The following DLGAP2 variants were observed in gnomAD, a reference collection of about 807,000 sequenced individuals.
DLGAP2 encodes the protein disks large-associated protein 2.
In DLGAP2, 26 loss-of-function variants were observed where a neutral mutation model predicts 100.3. The ratio of observed to expected loss-of-function variants is 0.26; its 90% CI spans 0.19 to 0.36. DLGAP2 has a LOEUF of 0.36. DLGAP2 is among the 10% of genes least tolerant of loss of function. The probability of loss-of-function intolerance (pLI) is 1.00; values close to 1 mark genes in which losing one functional copy is unlikely to be tolerated. For missense variants in DLGAP2, 1,858 were observed against 1,453.2 expected, an observed-to-expected ratio of 1.28 and a Z score of -4.53; for synonymous variants, 886 against 630.1, an observed-to-expected ratio of 1.41 and a Z score of -6.08.
At chr8:1,601,995 C>T (rs983890759) in intron 6 of DLGAP2, among the ~76,000 whole-genome samples, 2 of 142,466 alleles carry the variant, frequency 1.4e-5, no homozygotes, top group South Asian at 2.2e-4. Context: ...GCCCGTGCTA[C>T]CTTCTTGCTT....
At chr8:1,446,476 G>C (rs1383683807) in intron 3 of DLGAP2, among the ~76,000 whole-genome samples, 3 of 152,170 alleles carry the variant, frequency 2.0e-5, no homozygotes, top group Non-Finnish European at 1.5e-5. Context: ...CCAGTACCAT[G>C]CTGTTTTGGT....
chr8:1,494,044 G>GC (rs33913849), intron 3 of DLGAP2, among the ~76,000 whole-genome samples: 1 of 28,164 alleles, frequency 3.6e-5, no homozygotes, highest in African/African-American at 1.1e-4. Flanking sequence ...TTCTGCATCG[G>GC]GGGGGGCAGT....
intron 3 of DLGAP2, among the ~76,000 whole-genome samples, chr8:1,299,459 G>A (rs1476544940): frequency 1.3e-5 from 2 of 152,194 alleles, no homozygotes; most frequent in Non-Finnish European, 2.9e-5. Context: ...TACTCTTTGT[G>A]ATAATCTTAG....
chr8:961,931 C>CG (rs1799734284), intron 2 of DLGAP2, among the ~76,000 whole-genome samples: 1 of 152,132 alleles, frequency 6.6e-6, no homozygotes, highest in Non-Finnish European at 1.5e-5. Flanking sequence ...CTGGCAAGGC[C>CG]GATCAATATG....
In DLGAP2 at chr8:1,549,407, C is replaced by A; in HGVS notation, c.954C>A (p.His318Gln). Residue 318 changes from histidine to glutamine, a missense_variant, in exon 5 of 15, where the codon CAC becomes CAA. Physicochemically the swap from His to Gln is conservative, Grantham distance 24. Transcript: ENST00000637795. The stretch of plus-strand genomic sequence containing the variant: ...GGACGCCCAGCGTGCTCAACCGGCA[C>A]CACCTGGGCCCCGTGGCCCACTGCT... ...TYRTPSVLNRHHLGPVAHCYP... is the reference protein window; with the variant it reads ...TYRTPSVLNRQHLGPVAHCYP... 6.2e-7 allele frequency: 1 copy of A among 1,613,444 alleles called. No homozygotes were observed. Among genetic ancestry groups the A allele is most frequent in the Non-Finnish European group, 8.5e-7 (1 of 1,179,784 alleles).
intron 2 of DLGAP2, among the ~76,000 whole-genome samples, chr8:1,000,409 A>T (rs943145613): frequency 2.1e-5 from 3 of 142,040 alleles, no homozygotes; most frequent in Admixed American, 1.5e-4. Context: ...TTTCTTTTGC[A>T]CCGGATTTTC....
intron 2 of DLGAP2, among the ~76,000 whole-genome samples, chr8:922,057 G>A (rs191149199): frequency 6.6e-4 from 100 of 152,376 alleles, no homozygotes; most frequent in Middle Eastern, 3.4e-3. Flanking sequence ...GGCAGGTGCC[G>A]TGTGCGCAGT....
rs140807155 is a variant in DLGAP2, at chr8:922,986, A to G, written c.73+15020A>G. On this transcript the variant is annotated intron_variant, in intron 2 of 14. Transcript: ENST00000637795. ...TGGGAATTGCAAGCCCTGGGCTCTG[A>G]TGGATGCTTGTTACCATGGAGTGCA... Among the ~76,000 whole-genome samples, 272 of 152,218 alleles carry G rather than the reference A, an allele frequency of 1.8e-3. 1 individual carries two copies. The highest frequency in any genetic ancestry group is 6.0e-3 in the African/African-American group (250 of 41,496).
chr8:851,604 C>A (rs1052764474), intron 1 of DLGAP2, among the ~76,000 whole-genome samples: 8 of 152,198 alleles, frequency 5.3e-5, no homozygotes, highest in African/African-American at 1.9e-4. Flanking sequence ...GATTTGTGGA[C>A]TAGTCAGTTC....
chr8:1,390,076 C>T (rs893197205), intron 3 of DLGAP2, among the ~76,000 whole-genome samples: 6 of 151,778 alleles, frequency 4.0e-5, no homozygotes, highest in Non-Finnish European at 5.9e-5. Flanking sequence ...ACATTTCATC[C>T]GTTGATGGAG....
At chr8:1,550,562 C>T (rs1466488708) in intron 5 of DLGAP2, among the ~76,000 whole-genome samples, 1 of 152,138 alleles carries the variant, frequency 6.6e-6, no homozygotes, top group African/African-American at 2.4e-5. Flanking sequence ...TGAGTTCACT[C>T]CCTGCACCTG....
At chr8:1,314,554 A>G (rs576996588) in intron 3 of DLGAP2, among the ~76,000 whole-genome samples, 10 of 152,218 alleles carry the variant, frequency 6.6e-5, no homozygotes, top group Non-Finnish European at 1.3e-4. Context: ...TCCAGCCACC[A>G]TCTGACTTTC....
At chr8:1,302,518 C>G (rs931188280) in intron 3 of DLGAP2, 8 of 151,648 alleles carry the variant, frequency 5.3e-5, no homozygotes, top group African/African-American at 1.7e-4. Context: ...TGTGAATTCT[C>G]GAGCTCTGCT....
intron 1 of DLGAP2, among the ~76,000 whole-genome samples, chr8:777,574 T>C (rs1427426157): frequency 6.6e-6 from 1 of 152,108 alleles, no homozygotes; most frequent in Admixed American, 6.6e-5. Context: ...AGCATTTGCT[T>C]GTCTGTAAAG....
chr8:1,507,675 G>A (rs1470513211), intron 4 of DLGAP2, among the ~76,000 whole-genome samples: 3 of 151,960 alleles, frequency 2.0e-5, no homozygotes, highest in Non-Finnish European at 4.4e-5. Context: ...CAGAAGCAGT[G>A]ATGTGCTGAG....
chr8:927,821 T>C (rs966306697), intron 2 of DLGAP2, among the ~76,000 whole-genome samples: 13 of 151,516 alleles, frequency 8.6e-5, no homozygotes, highest in African/African-American at 2.7e-4. Flanking sequence ...AAGTATATAA[T>C]GAGAAAAAAA....
At chr8:965,021 T>G (rs944522644) in intron 2 of DLGAP2, among the ~76,000 whole-genome samples, 10 of 143,448 alleles carry the variant, frequency 7.0e-5, no homozygotes, top group Admixed American at 2.8e-4. Flanking sequence ...GTCTGACCCC[T>G]GCGCTGCACA....
chr8:1,385,783 G>A (rs1477759648), intron 3 of DLGAP2, among the ~76,000 whole-genome samples: 6 of 142,550 alleles, frequency 4.2e-5, no homozygotes, highest in Non-Finnish European at 9.1e-5. Flanking sequence ...TTGGTGCACA[G>A]TTACCCGGCC....
At chr8:1,358,777 G>A (rs1257298372) in intron 3 of DLGAP2, among the ~76,000 whole-genome samples, 1 of 152,120 alleles carries the variant, frequency 6.6e-6, no homozygotes, top group African/African-American at 2.4e-5. Flanking sequence ...GGGCTAAGCG[G>A]GGCTGGGCGG....
Sources: gnomAD v4.1 joint callset for allele counts (sites outside exome capture counted in the v4.1 genomes callset) on GRCh38, gnomAD v4.1.1 for gene constraint, MANE v1.5 for transcripts, NCBI Gene and HGNC (gene_info 2026-07-23, HGNC 2026-07-21) for gene names.